The following KCNQ5 variants were observed in gnomAD, a reference collection of about 807,000 sequenced individuals.
KCNQ5 encodes potassium voltage-gated channel subfamily Q member 5.
A neutral mutation model predicts 98.2 loss-of-function variants in KCNQ5; 30 were observed. That is an observed-to-expected ratio of 0.31 (90% CI 0.23 to 0.41). KCNQ5 has a LOEUF of 0.41. Among genes scored for constraint, KCNQ5 ranks in the 10% least tolerant of loss-of-function variants. The probability of loss-of-function intolerance (pLI) is 1.00; values close to 1 mark genes in which losing one functional copy is unlikely to be tolerated. For synonymous variants in KCNQ5, 458 were observed against 449.4 expected (o/e 1.02, Z -0.24); for missense variants, 835 against 1,182.5 (o/e 0.71, Z 4.31).
chr6:72,944,880 A>T (rs1766464583), intron 1 of KCNQ5, among the ~76,000 whole-genome samples: 1 of 152,188 alleles, frequency 6.6e-6, no homozygotes, highest in Admixed American at 6.5e-5. Context: ...GATGTTTCAC[A>T]AGTCACCCAT....
chr6:73,083,528 T>G (rs1773862633), intron 5 of KCNQ5, among the ~76,000 whole-genome samples: 2 of 152,274 alleles, frequency 1.3e-5, no homozygotes, highest in South Asian at 2.1e-4. Context: ...AAATAAATGA[T>G]GCATTATGAG....
At chr6:72,627,476 A>G (rs56086224) in intron 1 of KCNQ5, among the ~76,000 whole-genome samples, 25,911 of 152,220 alleles carry the variant, frequency 0.17, 2,555 homozygotes, top group Middle Eastern at 0.25. Context: ...GGTTATGGCC[A>G]GCAGTTTCCA....
intron 10 of KCNQ5, among the ~76,000 whole-genome samples, chr6:73,146,626 C>CAAAAAAAAAAGAAAA (rs1776934943): frequency 3.5e-5 from 1 of 28,468 alleles, no homozygotes; most frequent in African/African-American, 9.4e-5. Flanking sequence ...GTCCCTGTCT[C>CAAAAAAAAAAGAAAA]AAAAAAAAAA....
At chr6:72,829,000 A>T (rs901084198) in intron 1 of KCNQ5, among the ~76,000 whole-genome samples, 1 of 152,176 alleles carries the variant, frequency 6.6e-6, no homozygotes, top group Non-Finnish European at 1.5e-5. Flanking sequence ...GTATGTATAC[A>T]TATATAGATA....
intron 7 of KCNQ5, among the ~76,000 whole-genome samples, chr6:73,117,322 T>G (rs1340878927): frequency 5.3e-5 from 8 of 152,184 alleles, no homozygotes; most frequent in Admixed American, 5.2e-4. Flanking sequence ...CTTTCCACCT[T>G]CATTTTTACT....
intron 3 of KCNQ5, among the ~76,000 whole-genome samples, chr6:73,045,458 A>G (rs372449107): frequency 6.6e-6 from 1 of 152,140 alleles, no homozygotes; most frequent in East Asian, 1.9e-4. Flanking sequence ...TTCTGTCATA[A>G]TAACATTCTA....
chr6:73,125,360 A>T, intron 9 of KCNQ5: 1 of 511,734 alleles, frequency 2.0e-6, no homozygotes, highest in Non-Finnish European at 3.9e-6. Flanking sequence ...AGCCCTGAAA[A>T]ACAGAGCCAG....
intron 1 of KCNQ5, among the ~76,000 whole-genome samples, chr6:72,871,578 AAC>A (rs1778208871): frequency 6.6e-6 from 1 of 152,350 alleles, no homozygotes; most frequent in African/African-American, 2.4e-5. Context: ...TTGTAGTTGT[AAC>A]AAGCAAACTT....
intron 3 of KCNQ5, among the ~76,000 whole-genome samples, chr6:73,075,703 C>T (rs1176947278): frequency 6.6e-6 from 1 of 152,098 alleles, no homozygotes; most frequent in Non-Finnish European, 1.5e-5. Flanking sequence ...CTCTTTGGCT[C>T]TCTGGGTACT....
At chr6:73,081,772 A>T (rs920220445) in intron 5 of KCNQ5, among the ~76,000 whole-genome samples, 30 of 152,308 alleles carry the variant, frequency 2.0e-4, no homozygotes, top group African/African-American at 7.2e-4. Context: ...AAGAAAAAAA[A>T]CTTTAGCCTA....
chr6:72,875,558 A>G lies in KCNQ5; in HGVS notation c.399-128350A>G, dbSNP rs577654778. Reference sequence around the variant, plus strand: ...TTGTTAATCAGTCATAATGTGTGAAACATCTTGGCAGAAACTTCTTTCATT... The same window carrying G: ...TTGTTAATCAGTCATAATGTGTGAAGCATCTTGGCAGAAACTTCTTTCATT... On this transcript the variant is annotated intron_variant, in intron 1 of 13. Coordinates refer to ENST00000370398, the MANE Select transcript of KCNQ5 (RefSeq NM_019842.4). Among the ~76,000 whole-genome samples, 8 of 152,282 alleles carry G rather than the reference A, an allele frequency of 5.3e-5. No individual in the cohort carries two copies. The East Asian group carries it at 1.5e-3, about 29-fold the overall frequency.
At chr6:72,636,128 G>A (rs1047817497) in intron 1 of KCNQ5, among the ~76,000 whole-genome samples, 1 of 152,042 alleles carries the variant, frequency 6.6e-6, no homozygotes, top group Non-Finnish European at 1.5e-5. Context: ...ATATACTTTG[G>A]AAGTATATAG....
intron 1 of KCNQ5, among the ~76,000 whole-genome samples, chr6:72,944,147 C>T (rs769172718): frequency 3.3e-5 from 5 of 152,152 alleles, no homozygotes; most frequent in Non-Finnish European, 7.4e-5. Context: ...TAGATCATTG[C>T]ATGGTTCCAG....
At position 72,987,129 on chromosome 6, in the gene KCNQ5, G is replaced by A; in HGVS notation, c.399-16779G>A. The A allele has an allele frequency of 7.6e-6, 5 of 660,224 alleles. No individual in the cohort carries two copies. In the South Asian group the frequency reaches 8.6e-5, roughly 11 times the overall value. The allele number at this position is 660,224 out of a possible 1,614,324, so 40.9% of individuals were successfully genotyped here. A position where few individuals can be genotyped will look rare whatever the true frequency, so the allele number is the denominator to read the frequency against. The stretch of plus-strand genomic sequence containing the variant: ...CCGGAATACATCCATCCCCAAAGGA[G>A]ATGGCCCTAAGGCCCCCGAGAAGAA... On this transcript the variant is annotated intron_variant, in intron 1 of 13. Coordinates refer to ENST00000370398, the MANE Select transcript of KCNQ5 (RefSeq NM_019842.4).
At chr6:72,660,231 T>A (rs991819398) in intron 1 of KCNQ5, among the ~76,000 whole-genome samples, 19 of 152,220 alleles carry the variant, frequency 1.2e-4, no homozygotes, top group African/African-American at 4.1e-4. Context: ...CCACAACCTC[T>A]TATTATTCCT....
chr6:72,965,969 CA>C (rs1767590202), intron 1 of KCNQ5, among the ~76,000 whole-genome samples: 1 of 152,142 alleles, frequency 6.6e-6, no homozygotes, highest in Non-Finnish European at 1.5e-5. Context: ...ATGCCAGTCC[CA>C]GGGAGGTTAA....
At chr6:73,061,098 A>G (rs945298148) in intron 3 of KCNQ5, among the ~76,000 whole-genome samples, 1 of 152,206 alleles carries the variant, frequency 6.6e-6, no homozygotes, top group Admixed American at 6.5e-5. Flanking sequence ...CTGCACAGCT[A>G]CAGAAGAATC....
intron 1 of KCNQ5, among the ~76,000 whole-genome samples, chr6:72,869,640 A>G (rs1327888180): frequency 6.6e-6 from 1 of 152,252 alleles, no homozygotes; most frequent in Non-Finnish European, 1.5e-5. Context: ...GTCAAGATGT[A>G]AAAATGTTTT....
chr6:72,656,445 A>G (rs542067904), intron 1 of KCNQ5, among the ~76,000 whole-genome samples: 1 of 152,320 alleles, frequency 6.6e-6, no homozygotes, highest in South Asian at 2.1e-4. Flanking sequence ...ATTTTCATGA[A>G]GCTCAGTTTC....
Sources: gnomAD v4.1 joint callset for allele counts (sites outside exome capture counted in the v4.1 genomes callset) on GRCh38, gnomAD v4.1.1 for gene constraint, MANE v1.5 for transcripts, NCBI Gene and HGNC (gene_info 2026-07-23, HGNC 2026-07-21) for gene names.